The following MORC1 variants were observed in gnomAD, a reference collection of about 807,000 sequenced individuals.
The protein encoded by MORC1 is MORC family CW-type zinc finger 1, also known as MORC family CW-type zinc finger protein 1.
A neutral mutation model predicts 134.9 loss-of-function variants in MORC1; 59 were observed. That is an observed-to-expected ratio of 0.44 (90% CI 0.35 to 0.54). MORC1 has a LOEUF of 0.54. Ranked by LOEUF, MORC1 falls within the 20% of genes least tolerant of loss-of-function variation. The pLI, the probability that MORC1 is intolerant of heterozygous loss-of-function variation, is 0.00. For missense variants in MORC1, 947 were observed against 1,134.5 expected, an observed-to-expected ratio of 0.83 and a Z score of 2.37; for synonymous variants, 395 against 391.7, an observed-to-expected ratio of 1.01 and a Z score of -0.10.
At chr3:108,990,967 A>G (rs1559876273) in intron 21 of MORC1, among the ~76,000 whole-genome samples, 1 of 151,684 alleles carries the variant, frequency 6.6e-6, no homozygotes. Flanking sequence ...ATATGACCTG[A>G]TATTATATTA....
chr3:109,022,063 T>G (rs1399874191), intron 17 of MORC1, among the ~76,000 whole-genome samples: 2 of 152,194 alleles, frequency 1.3e-5, no homozygotes, highest in African/African-American at 4.8e-5. Flanking sequence ...CATAGAGAAA[T>G]GAGATCTTTG....
chr3:109,051,855 A>G (rs1949838914), intron 14 of MORC1, among the ~76,000 whole-genome samples: 1 of 151,966 alleles, frequency 6.6e-6, no homozygotes, highest in Non-Finnish European at 1.5e-5. Context: ...TGGGAGTACA[A>G]CTGTTGGGAG....
At chr3:108,976,247 C>T (rs1420660898) in intron 24 of MORC1, among the ~76,000 whole-genome samples, 2 of 152,144 alleles carry the variant, frequency 1.3e-5, no homozygotes, top group East Asian at 3.9e-4. Flanking sequence ...AGGATGACGT[C>T]ACGTCCAAAG....
intron 10 of MORC1, among the ~76,000 whole-genome samples, chr3:109,062,662 C>T (rs1039735809): frequency 3.3e-5 from 5 of 152,080 alleles, no homozygotes; most frequent in African/African-American, 7.2e-5. Context: ...CCTCGTGATC[C>T]GCCCGCCTTG....
intron 8 of MORC1, among the ~76,000 whole-genome samples, chr3:109,073,629 T>G (rs1950365451): frequency 6.6e-6 from 1 of 152,208 alleles, no homozygotes; most frequent in Non-Finnish European, 1.5e-5. Context: ...AAAATGACTC[T>G]AAACTGCAGA....
At chr3:109,103,954 G>T in intron 3 of MORC1, 37 bp from the exon 4 acceptor site, 1 of 1,560,234 alleles carries the variant, frequency 6.4e-7, no homozygotes, top group Non-Finnish European at 8.8e-7. Context: ...TAAATATCGG[G>T]CTTAATTTGT....
At chr3:109,096,487 C>T (rs1950833713) in intron 6 of MORC1, among the ~76,000 whole-genome samples, 1 of 152,024 alleles carries the variant, frequency 6.6e-6, no homozygotes, top group South Asian at 2.1e-4. Flanking sequence ...TAAAAGGCAC[C>T]CCTACCAGTG....
intron 12 of MORC1, among the ~76,000 whole-genome samples, chr3:109,058,598 T>G (rs151120136): frequency 1.1e-4 from 17 of 152,148 alleles, no homozygotes; most frequent in South Asian, 6.2e-4. Context: ...TATATATATA[T>G]AGAACATAAG....
At position 109,087,659 on chromosome 3, in the gene MORC1, T is replaced by A. The variant is rs914765393; in HGVS notation, c.689+5777A>T. ...AAAATGACCTTACTGCCCAAAGCAA[T>A]TTACAGATTCAATGCTATTCCTGTC... On this transcript the variant is annotated intron_variant, in intron 8 of 27. Coordinates refer to ENST00000232603, the MANE Select transcript of MORC1 (RefSeq NM_014429.4). 2.6e-5 allele frequency among the ~76,000 whole-genome samples: 4 copies of A among 152,122 alleles called. No homozygotes were observed. In the East Asian group the frequency reaches 7.7e-4, roughly 29 times the overall value.
At chr3:109,007,704 G>A (rs1467448704) in intron 17 of MORC1, among the ~76,000 whole-genome samples, 3 of 152,086 alleles carry the variant, frequency 2.0e-5, no homozygotes, top group East Asian at 1.9e-4. Flanking sequence ...TTCCCCAAGG[G>A]AGAACTAATT....
chr3:109,009,313 C>T (rs1344325278), intron 17 of MORC1, among the ~76,000 whole-genome samples: 1 of 150,784 alleles, frequency 6.6e-6, no homozygotes, highest in East Asian at 1.9e-4. Context: ...TCGAGTGATC[C>T]TCCTGCCTCA....
intron 8 of MORC1, among the ~76,000 whole-genome samples, chr3:109,092,550 A>C (rs1166064290): frequency 6.6e-6 from 1 of 152,172 alleles, no homozygotes; most frequent in Admixed American, 6.6e-5. Context: ...CACACACTGG[A>C]TTCAAAGACT....
At chr3:109,004,580 A>G (rs1948492424) in intron 20 of MORC1, among the ~76,000 whole-genome samples, 1 of 152,140 alleles carries the variant, frequency 6.6e-6, no homozygotes, top group Non-Finnish European at 1.5e-5. Flanking sequence ...AAAGAAGTAA[A>G]CTCATTTGGA....
At chr3:109,067,208 T>C (rs1950217601) in intron 9 of MORC1, among the ~76,000 whole-genome samples, 1 of 152,154 alleles carries the variant, frequency 6.6e-6, no homozygotes, top group Non-Finnish European at 1.5e-5. Flanking sequence ...GCATTATGGG[T>C]CTATGGTTAA....
chr3:108,985,197 A>G (rs1003313594), intron 22 of MORC1, among the ~76,000 whole-genome samples: 6 of 152,164 alleles, frequency 3.9e-5, no homozygotes, highest in African/African-American at 1.2e-4. Context: ...ATGTGTCTCC[A>G]GTAGGAAAGT....
chr3:109,054,973 C>A, intron 13 of MORC1, 91 bp from the exon 14 acceptor site: 3 of 1,159,806 alleles, frequency 2.6e-6, no homozygotes, highest in Non-Finnish European at 3.6e-6. Flanking sequence ...TTTTTTTTTT[C>A]AAAAATAAAT....
intron 13 of MORC1, among the ~76,000 whole-genome samples, chr3:109,056,396 T>C (rs1025616924): frequency 6.6e-6 from 1 of 152,034 alleles, no homozygotes; most frequent in Admixed American, 6.5e-5. Flanking sequence ...CCTGGCTAAT[T>C]TTCTGTATTT....
intron 12 of MORC1, among the ~76,000 whole-genome samples, chr3:109,058,670 A>T (rs4855685): frequency 0.48 from 72,231 of 151,800 alleles, 20,321 homozygotes; most frequent in East Asian, 0.9. Flanking sequence ...AATATATAGG[A>T]ATCAAACTTT....
intron 2 of MORC1, among the ~76,000 whole-genome samples, chr3:109,112,055 C>T (rs2107805454): frequency 6.6e-6 from 1 of 152,296 alleles, no homozygotes; most frequent in East Asian, 1.9e-4. Context: ...ATGCATTATA[C>T]AAAGTACCAT....
Sources: allele counts gnomAD v4.1 joint callset (sites outside exome capture counted in the v4.1 genomes callset), GRCh38; gene constraint gnomAD v4.1.1; transcripts MANE v1.5; gene names NCBI Gene and HGNC (gene_info 2026-07-23, HGNC 2026-07-21).